Variants in LRRFIP2 observed in about 807,000 individuals in gnomAD.
LRRFIP2 encodes LRR binding FLII interacting protein 2, also known as leucine-rich repeat flightless-interacting protein 2.
Under a neutral mutation model 125.9 loss-of-function variants are expected in LRRFIP2, and 109 were observed. The observed-to-expected ratio is 0.87, with a 90% CI of 0.74 to 1.01. The LOEUF (loss-of-function observed/expected upper bound fraction) is 1.01. LRRFIP2 is among the 50% of genes least tolerant of loss of function. LRRFIP2 has a pLI of 0.00. For synonymous variants in LRRFIP2, 291 were observed against 293.1 expected, an observed-to-expected ratio of 0.99 and a Z score of 0.07; for missense variants, 850 against 862.3, an observed-to-expected ratio of 0.99 and a Z score of 0.18.
Position 37,072,899 on chromosome 3 carries a change from G to C in LRRFIP2, c.1372-17C>G, listed in dbSNP as rs1305180500. ...CTGCTTCTCCTGCAGAGGAAGAGGG[G>C]AAGAGAAGTAATAAAAGAGCAGAAA... On this transcript the variant is annotated splice_polypyrimidine_tract_variant and intron_variant, in intron 20 of 27. Coordinates refer to ENST00000336686, the MANE Select transcript of LRRFIP2 (RefSeq NM_006309.4). 1 of 1,532,242 alleles carries C rather than the reference G, an allele frequency of 6.5e-7. No individual in the cohort carries two copies. The highest frequency in any genetic ancestry group is 9.0e-7 in the Non-Finnish European group (1 of 1,113,394). The allele number at this position is 1,532,242 out of a possible 1,614,324, so 94.9% of individuals were successfully genotyped here. A position where few individuals can be genotyped will look rare whatever the true frequency, so the allele number is the denominator to read the frequency against.
At chr3:37,101,726 C>G (rs2094067808) in intron 15 of LRRFIP2, among the ~76,000 whole-genome samples, 1 of 151,688 alleles carries the variant, frequency 6.6e-6, no homozygotes, top group African/African-American at 2.4e-5. Flanking sequence ...CCTCTCACCC[C>G]CTCCAAAGTG....
At chr3:37,126,051 C>T (rs919605865) in intron 4 of LRRFIP2, among the ~76,000 whole-genome samples, 3 of 151,832 alleles carry the variant, frequency 2.0e-5, no homozygotes, top group Admixed American at 6.6e-5. Context: ...TTGTTTGAGA[C>T]ACAGTCTCAC....
chr3:37,124,681 C>T lies in LRRFIP2; in HGVS notation c.228+2949G>A, dbSNP rs539980589. On this transcript the variant is annotated intron_variant, in intron 4 of 27. Coordinates refer to ENST00000336686, the MANE Select transcript of LRRFIP2 (RefSeq NM_006309.4). ...CCAGCATTTAGACGTTTTTATTCAC[C>T]AGACAACTGAACTGTAAAGATAACA... is the stretch of plus-strand genomic sequence containing the variant. Among the ~76,000 whole-genome samples, 104 of 152,202 alleles carry T rather than the reference C, an allele frequency of 6.8e-4. 1 individual carries two copies. The highest frequency in any genetic ancestry group is 2.3e-3 in the African/African-American group (97 of 41,522).
chr3:37,123,722 G>A (rs2095164634), intron 4 of LRRFIP2, among the ~76,000 whole-genome samples: 2 of 152,028 alleles, frequency 1.3e-5, no homozygotes, highest in South Asian at 4.1e-4. Context: ...ATTATTTGAG[G>A]TACTAGGGTA....
At chr3:37,089,681 G>T (rs1227818217) in intron 18 of LRRFIP2, among the ~76,000 whole-genome samples, 1 of 152,126 alleles carries the variant, frequency 6.6e-6, no homozygotes, top group Admixed American at 6.5e-5. Flanking sequence ...ATAAATGGTA[G>T]ATCTAACATG....
intron 20 of LRRFIP2, 109 bp downstream of exon 20, chr3:37,074,915 A>C: frequency 1.4e-6 from 1 of 717,572 alleles, no homozygotes; most frequent in Non-Finnish European, 2.4e-6. Context: ...GTCAAATATA[A>C]AGAGACAAAC....
intron 2 of LRRFIP2, among the ~76,000 whole-genome samples, chr3:37,144,563 G>A (rs1388412893): frequency 2.0e-5 from 3 of 152,144 alleles, no homozygotes; most frequent in Non-Finnish European, 4.4e-5. Flanking sequence ...AACCTAGCAA[G>A]ACCTCATCTC....
At chr3:37,133,752 T>C (rs947464034) in intron 2 of LRRFIP2, among the ~76,000 whole-genome samples, 1 of 152,162 alleles carries the variant, frequency 6.6e-6, no homozygotes, top group Non-Finnish European at 1.5e-5. Context: ...ATGGATGTAA[T>C]GCCACTAAAC....
chr3:37,062,786 A>C (rs2089153118), intron 24 of LRRFIP2, among the ~76,000 whole-genome samples: 1 of 152,214 alleles, frequency 6.6e-6, no homozygotes, highest in Admixed American at 6.5e-5. Flanking sequence ...CAGGCCTGCA[A>C]GGTCATGAAA....
chr3:37,149,805 A>G (rs2095965189), intron 1 of LRRFIP2, among the ~76,000 whole-genome samples: 1 of 151,738 alleles, frequency 6.6e-6, no homozygotes. Context: ...GTTCGAGACC[A>G]GCCTGGCCAA....
intron 4 of LRRFIP2, among the ~76,000 whole-genome samples, chr3:37,123,120 C>T (rs1447454227): frequency 6.6e-6 from 1 of 152,232 alleles, no homozygotes; most frequent in Non-Finnish European, 1.5e-5. Context: ...TACTATGATT[C>T]AATTTCTAAT....
intron 21 of LRRFIP2, among the ~76,000 whole-genome samples, chr3:37,070,190 T>C (rs954863775): frequency 6.6e-6 from 1 of 151,206 alleles, no homozygotes; most frequent in African/African-American, 2.4e-5. Flanking sequence ...CTCAGCTCAC[T>C]GCAACCTTGG....
At chr3:37,102,182 C>T (rs1462250377) in intron 15 of LRRFIP2, among the ~76,000 whole-genome samples, 1 of 152,006 alleles carries the variant, frequency 6.6e-6, no homozygotes, top group Non-Finnish European at 1.5e-5. Flanking sequence ...TAAGGAATTA[C>T]TTATTTCATT....
chr3:37,153,752 A>G (rs940345969), intron 1 of LRRFIP2, among the ~76,000 whole-genome samples: 1 of 152,324 alleles, frequency 6.6e-6, no homozygotes, highest in Admixed American at 6.5e-5. Context: ...GCACAGGATA[A>G]GCAGGAAATA....
chr3:37,083,437 T>A (rs1270141136), intron 19 of LRRFIP2, among the ~76,000 whole-genome samples, 199 bp downstream of exon 19: 3 of 152,134 alleles, frequency 2.0e-5, no homozygotes, highest in African/African-American at 7.2e-5. Context: ...GACATAAGCT[T>A]TTCCTCAAGA....
At chr3:37,066,364 GA>G in intron 21 of LRRFIP2, 39 bp from the exon 22 acceptor site, 1 of 1,493,268 alleles carries the variant, frequency 6.7e-7, no homozygotes, top group Non-Finnish European at 9.3e-7. Context: ...CAATGGCACA[GA>G]AAAAGAGCAG....
At chr3:37,121,824 T>A in intron 4 of LRRFIP2, 133 bp from the exon 5 acceptor site, 2 of 741,218 alleles carry the variant, frequency 2.7e-6, no homozygotes, top group Non-Finnish European at 4.6e-6. Flanking sequence ...ATAACTTATC[T>A]TAGGGGCAGC....
At chr3:37,083,069 G>C (rs1044838251) in intron 19 of LRRFIP2, among the ~76,000 whole-genome samples, 2 of 152,138 alleles carry the variant, frequency 1.3e-5, no homozygotes, top group Non-Finnish European at 2.9e-5. Flanking sequence ...AGTTGTCAGA[G>C]AGCAAATCTG....
intron 15 of LRRFIP2, among the ~76,000 whole-genome samples, chr3:37,101,668 G>GAAAAA (rs56878231): frequency 7.8e-6 from 1 of 128,328 alleles, no homozygotes. Flanking sequence ...CTGTCACCAA[G>GAAAAA]AAAAAAAAAA....
Sources: allele counts gnomAD v4.1 joint callset (sites outside exome capture counted in the v4.1 genomes callset), GRCh38; gene constraint gnomAD v4.1.1; transcripts MANE v1.5; gene names NCBI Gene and HGNC (gene_info 2026-07-23, HGNC 2026-07-21).